Variants in LMTK2 observed in about 807,000 individuals in gnomAD.
LMTK2 encodes the protein serine/threonine-protein kinase LMTK2.
In LMTK2, 37 loss-of-function variants were observed where a neutral mutation model predicts 127.5. That is an observed-to-expected ratio of 0.29 (90% CI 0.22 to 0.38). The LOEUF is 0.38. LMTK2 is among the 10% of genes least tolerant of loss of function. The pLI is 1.00. For synonymous variants in LMTK2, 819 were observed against 810.1 expected (o/e 1.01, Z -0.19); for missense variants, 1,694 against 1,920.3 (o/e 0.88, Z 2.20).
intron 11 of LMTK2, 60 bp from the exon 12 acceptor site, chr7:98,203,514 C>T: frequency 6.5e-7 from 1 of 1,532,306 alleles, no homozygotes; most frequent in Non-Finnish European, 8.7e-7. Context: ...GGGAAGCGGT[C>T]ACACGGGGGG....
At chr7:98,141,680 A>G in intron 3 of LMTK2, 139 bp downstream of exon 3, 2 of 836,738 alleles carry the variant, frequency 2.4e-6, no homozygotes, top group East Asian at 2.4e-5. Flanking sequence ...GTGAAGCTGA[A>G]TTCTAGTGGT....
chr7:98,199,295 A>T (rs1273669094), intron 11 of LMTK2, among the ~76,000 whole-genome samples: 1 of 152,110 alleles, frequency 6.6e-6, no homozygotes. Flanking sequence ...TTACTCAGAG[A>T]GAGGTTGTTG....
Position 98,207,517 on chromosome 7 carries a change from T to C in LMTK2, c.*2025T>C, listed in dbSNP as rs1341741382. 6.6e-6 allele frequency: 1 copy of C among 151,942 alleles called. No individual in the cohort carries two copies. Among genetic ancestry groups the C allele is most frequent in the Non-Finnish European group, 1.5e-5 (1 of 67,980 alleles). The allele number at this position is 151,942 out of a possible 1,614,324, so 9.4% of individuals were successfully genotyped here. ...CGGGATGCGCGAATTTTTTTTTTTT[T>C]TTTAATTAACAGGGCATTAGAAGAT... On this transcript the variant is annotated 3_prime_UTR_variant, in exon 14 of 14. Transcript: ENST00000297293.
Position 98,159,347 on chromosome 7 carries a change from G to A in LMTK2, c.579G>A (p.Gln193=). ...LKNGEPYYIL[Q]HPNILQCVGQ... ...CTTTTATTTTTCCCAGCATTCTTCA[G>A]CATCCAAATATTCTTCAGTGTGTTG... Residue 193 remains glutamine, a synonymous_variant, in exon 6 of 14, where the codon CAG becomes CAA. Transcript: ENST00000297293. 1 of 1,601,020 alleles carries A rather than the reference G, an allele frequency of 6.2e-7. No individual in the cohort carries two copies. Among genetic ancestry groups the A allele is most frequent in the East Asian group, 2.3e-5 (1 of 44,160 alleles).
intron 5 of LMTK2, 50 bp downstream of exon 5, chr7:98,154,926 A>C (rs1796906478): frequency 9.3e-7 from 1 of 1,079,026 alleles, no homozygotes. Context: ...TGGTCTGTTG[A>C]AGGTCAGGTG....
intron 11 of LMTK2, among the ~76,000 whole-genome samples, chr7:98,199,137 G>A (rs1314291142): frequency 6.6e-6 from 1 of 152,098 alleles, no homozygotes; most frequent in Non-Finnish European, 1.5e-5. Context: ...GCCAGGATAT[G>A]GTCTTTCTTG....
Position 98,193,002 on chromosome 7 carries a change from A to T in LMTK2, c.2537A>T (p.Asp846Val), listed in dbSNP as rs773998556. The T allele has an allele frequency of 6.2e-7, 1 of 1,613,938 alleles. No homozygotes were observed. The highest frequency in any genetic ancestry group is 8.5e-7 in the Non-Finnish European group (1 of 1,180,020). ...TQGETQPTCLDVIVPEDCLHQ... is the reference protein window; with the variant it reads ...TQGETQPTCLVVIVPEDCLHQ... The stretch of plus-strand genomic sequence containing the variant: ...GGAGAAACCCAGCCCACGTGTTTAG[A>T]TGTTATTGTCCCGGAGGACTGTCTC... The change falls in exon 11 of 14, where the codon GAT (aspartate) becomes GTT (valine). Residue 846 changes from aspartate (D) to valine (V), a missense_variant. This residue lies in a region of LMTK2 where 527 missense variants were observed against 539.8 expected (regional missense o/e 0.98). Transcript: ENST00000297293. The surrounding 1 kb of genome is among the most constrained non-coding windows in gnomAD (Gnocchi z 4.1).
At chr7:98,204,385 G>A (rs1471479766) in intron 13 of LMTK2, among the ~76,000 whole-genome samples, 199 bp downstream of exon 13, 1 of 152,216 alleles carries the variant, frequency 6.6e-6, no homozygotes, top group African/African-American at 2.4e-5. Context: ...TACTCAGGAG[G>A]CTGAGGTGGG....
rs1295836467 is a variant in LMTK2, at chr7:98,203,799, C to T, written c.4240+93C>T. ...GTAACTTCCCATGTTGCTTTAATGA[C>T]GCCCCCTGACATGGGCACAGAACTG... On this transcript the variant is annotated intron_variant, in intron 12 of 13. Transcript: ENST00000297293. 30 of 1,573,738 alleles carry T rather than the reference C, an allele frequency of 1.9e-5. No individual in the cohort carries two copies. In the East Asian group the frequency reaches 2.7e-4, roughly 14 times the overall value.
Position 98,192,876 on chromosome 7 carries a change from G to A in LMTK2, c.2411G>A (p.Ser804Asn), listed in dbSNP as rs1258918290. 5.0e-6 allele frequency: 8 copies of A among 1,614,098 alleles called. No individual in the cohort carries two copies. The Middle Eastern group carries it at 4.9e-4, about 100-fold the overall frequency. Residue 804 changes from serine (S) to asparagine (N), a missense_variant, in exon 11 of 14, where the codon AGC (serine) becomes AAC (asparagine). Ser to Asn is a conservative substitution (Grantham distance 46, BLOSUM62 1). Coordinates refer to ENST00000297293, the MANE Select transcript of LMTK2 (RefSeq NM_014916.4). ...GTCATGCTCACAGGTGACACTTTGAGCACCTCATTGCAGTCTTCCCCGGAA... is the reference window on the plus strand; with the variant it reads ...GTCATGCTCACAGGTGACACTTTGAACACCTCATTGCAGTCTTCCCCGGAA... ...TDVMLTGDTL[S>N]TSLQSSPEVQ... is the part of the protein sequence containing the mutation.
intron 13 of LMTK2, among the ~76,000 whole-genome samples, chr7:98,204,780 G>A (rs1379259672): frequency 2.0e-5 from 3 of 152,238 alleles, no homozygotes; most frequent in East Asian, 3.8e-4. Context: ...CAGGCTGCGC[G>A]CCATCTCCTC....
At chr7:98,129,761 G>A (rs150423515) in intron 1 of LMTK2, among the ~76,000 whole-genome samples, 41 of 152,028 alleles carry the variant, frequency 2.7e-4, no homozygotes, top group African/African-American at 3.6e-4. Flanking sequence ...ATTTTCCCTC[G>A]CTTGCTCATG....
rs199574058 is a variant in LMTK2 at position 98,193,738 on chromosome 7, G to A, written c.3273G>A (p.Thr1091=). ...GAGGCACAGAAGTGACCCCTGAGAC[G>A]TTCACAGCTGGCTCCCAGGGTTCAT... ...GHRGTEVTPE[T]FTAGSQGSYR... Residue 1091 remains threonine (T), a synonymous_variant, in exon 11 of 14, where the codon ACG becomes ACA. Coordinates refer to ENST00000297293, the MANE Select transcript of LMTK2 (RefSeq NM_014916.4). The surrounding 1 kb of genome is among the most constrained non-coding windows in gnomAD (Gnocchi z 4.1). 2.8e-5 allele frequency: 45 copies of A among 1,613,732 alleles called. No homozygotes were observed. Among genetic ancestry groups the A allele is most frequent in the East Asian group, 2.0e-4 (9 of 44,880 alleles).
chr7:98,194,290 C>T lies in LMTK2; in HGVS notation c.3825C>T (p.Leu1275=), dbSNP rs772506803. Residue 1275 remains leucine (L), a synonymous_variant, in exon 11 of 14, where the codon CTC becomes CTT. Transcript: ENST00000297293. This position sits in a 1 kb window ranked among gnomAD's most constrained non-coding sequence, Gnocchi z 5.4. ...GGAAACTCGGGGTGTCAGGGATGCTCGACCTCTCAGAGGACGGGATGGATG... is the reference window on the plus strand; with the variant it reads ...GGAAACTCGGGGTGTCAGGGATGCTTGACCTCTCAGAGGACGGGATGGATG... ...YLGKLGVSGM[L]DLSEDGMDAD... The T allele has an allele frequency of 7.4e-6, 12 of 1,614,140 alleles. No homozygotes were observed. Among genetic ancestry groups the T allele is most frequent in the East Asian group, 6.7e-5 (3 of 44,886 alleles).
intron 11 of LMTK2, among the ~76,000 whole-genome samples, chr7:98,199,170 G>T (rs1797673063): frequency 6.6e-6 from 1 of 152,142 alleles, no homozygotes; most frequent in African/African-American, 2.4e-5. Flanking sequence ...ATGTATACCT[G>T]AAAGAGTGTG....
In LMTK2 at chr7:98,192,855, T is replaced by C; in HGVS notation, c.2390T>C (p.Met797Thr). ...ACAAAGGGTGACGATACAGATGTCA[T>C]GCTCACAGGTGACACTTTGAGCACC... The part of the protein sequence containing the change: ...VSTKGDDTDV[M>T]LTGDTLSTSL... The change falls in exon 11 of 14, where the codon ATG becomes ACG. Residue 797 changes from methionine (M) to threonine (T), a missense_variant. Coordinates refer to ENST00000297293, the MANE Select transcript of LMTK2 (RefSeq NM_014916.4). The C allele has an allele frequency of 1.9e-6, 3 of 1,614,066 alleles. No homozygotes were observed.
chr7:98,186,843 T>C (rs201021473), intron 8 of LMTK2, 34 bp from the exon 9 acceptor site: 36 of 1,591,042 alleles, frequency 2.3e-5, no homozygotes, highest in Non-Finnish European at 2.9e-5. Flanking sequence ...AGTATAATTC[T>C]ATTCAAAATT....
At chr7:98,173,363 T>A (rs1210287202) in intron 7 of LMTK2, among the ~76,000 whole-genome samples, 1 of 151,888 alleles carries the variant, frequency 6.6e-6, no homozygotes, top group Non-Finnish European at 1.5e-5. Context: ...CAAAGCAGAA[T>A]CCCTTATATG....
At chr7:98,199,677 TAGAG>T in intron 11 of LMTK2, among the ~76,000 whole-genome samples, 1 of 152,172 alleles carries the variant, frequency 6.6e-6, no homozygotes, top group African/African-American at 2.4e-5. Flanking sequence ...GTATTTTTTG[TAGAG>T]ATGGGGTTTC....
Sources: gnomAD v4.1 joint callset for allele counts (sites outside exome capture counted in the v4.1 genomes callset) on GRCh38, gnomAD v4.1.1 for gene constraint, gnomAD v4.1.1 regional missense constraint, Gnocchi (gnomAD v3.1) non-coding constraint, MANE v1.5 for transcripts, NCBI Gene and HGNC (gene_info 2026-07-23, HGNC 2026-07-21) for gene names.